Variants in WAC observed in about 807,000 individuals in gnomAD.
WAC encodes WW domain containing adaptor with coiled-coil.
Under a neutral mutation model 79.6 loss-of-function variants are expected in WAC, and 11 were observed. The observed-to-expected ratio is 0.14, with a 90% confidence interval of 0.09 to 0.23. The LOEUF (loss-of-function observed/expected upper bound fraction) is 0.23, where lower values mean the gene tolerates loss of function less well. WAC is among the 10% of genes least tolerant of loss of function. WAC has a pLI of 1.00. For synonymous variants in WAC, 304 were observed against 276.9 expected, an observed-to-expected ratio of 1.10 and a Z score of -0.97; for missense variants, 728 against 773.5, an observed-to-expected ratio of 0.94 and a Z score of 0.70.
chr10:28,533,547 C>A lies in WAC; in HGVS notation c.-33C>A, dbSNP rs749598715. ...CCCGCCTTTCGCGGCCGCTCTCCCCCCTCCCCGACACACACTCACAGGCCG... is the reference window on the plus strand; with the variant it reads ...CCCGCCTTTCGCGGCCGCTCTCCCCACTCCCCGACACACACTCACAGGCCG... On this transcript the variant is annotated 5_prime_UTR_variant, in exon 1 of 14. Coordinates refer to ENST00000354911, the MANE Select transcript of WAC (RefSeq NM_016628.5). 4.3e-6 allele frequency: 6 copies of A among 1,387,206 alleles called. No individual in the cohort carries two copies. In the African/African-American group the frequency reaches 4.5e-5, roughly 10 times the overall value. 85.9% of individuals were successfully genotyped at this position (1,387,206 alleles called of 1,614,324 possible). A position where few individuals can be genotyped will look rare whatever the true frequency, so the allele number is the denominator to read the frequency against.
chr10:28,563,891 G>T (rs1008945449), intron 3 of WAC, among the ~76,000 whole-genome samples: 5 of 151,558 alleles, frequency 3.3e-5, no homozygotes, highest in Non-Finnish European at 7.4e-5. Flanking sequence ...GAGCCACTGT[G>T]CCCAGCTTAG....
intron 7 of WAC, among the ~76,000 whole-genome samples, chr10:28,596,769 G>C (rs1337223697): frequency 6.6e-6 from 1 of 152,158 alleles, no homozygotes; most frequent in African/African-American, 2.4e-5. Flanking sequence ...GTCACAGGTA[G>C]ATCCATTAGC....
chr10:28,539,140 G>A (rs1050114933), intron 3 of WAC, among the ~76,000 whole-genome samples: 1 of 152,058 alleles, frequency 6.6e-6, no homozygotes, highest in Non-Finnish European at 1.5e-5. Context: ...TTGTGCGTTT[G>A]TTTACCTTAG....
Position 28,583,440 on chromosome 10 carries a change from G to A in WAC, c.316G>A (p.Ala106Thr). The change falls in exon 4 of 14, where the codon GCT becomes ACT. Residue 106 changes from alanine to threonine, a missense_variant. Around this residue, in one of 3 missense-constraint regions of WAC, gnomAD observed 648 missense variants for 661.5 expected, o/e 0.98. Transcript: ENST00000354911. The stretch of plus-strand genomic sequence containing the variant: ...ACAAGAAAATTCACACAACCACAGT[G>A]CTCTTCATAGTTCAAATTCACATTC... ...SPQENSHNHS[A>T]LHSSNSHSSN... 3 of 1,595,478 alleles carry A rather than the reference G, an allele frequency of 1.9e-6. No homozygotes were observed. The highest frequency in any genetic ancestry group is 2.6e-6 in the Non-Finnish European group (3 of 1,173,476).
At chr10:28,558,596 C>CACCT (rs998651523) in intron 3 of WAC, among the ~76,000 whole-genome samples, 1 of 152,014 alleles carries the variant, frequency 6.6e-6, no homozygotes, top group Non-Finnish European at 1.5e-5. Flanking sequence ...GTAAGTGAAC[C>CACCT]ACCTGTGTTA....
At chr10:28,617,323 C>T (rs1017997831) in intron 12 of WAC, among the ~76,000 whole-genome samples, 1 of 152,178 alleles carries the variant, frequency 6.6e-6, no homozygotes, top group Non-Finnish European at 1.5e-5. Flanking sequence ...TATCTAATAC[C>T]TGAACTTGCA....
rs1487139501 is a variant in WAC, at chr10:28,579,452, T to C, written c.275-3947T>C. On this transcript the variant is annotated intron_variant, in intron 3 of 13. Coordinates refer to ENST00000354911, the MANE Select transcript of WAC (RefSeq NM_016628.5). ...ATTGAAATTCTGAGTTCAAGTTTTA[T>C]GCGTGGATTCTGCTCTTACTGGATA... 1.6e-4 allele frequency among the ~76,000 whole-genome samples: 25 copies of C among 152,324 alleles called. No homozygotes were observed. The East Asian group carries it at 3.9e-3, about 23-fold the overall frequency.
rs755299027 is a variant in WAC at position 28,533,541 on chromosome 10, C to G, written c.-39C>G. 7.5e-7 allele frequency: 1 copy of G among 1,329,610 alleles called. No individual in the cohort carries two copies. The highest frequency in any genetic ancestry group is 9.8e-7 in the Non-Finnish European group (1 of 1,016,064). 82.4% of individuals were successfully genotyped at this position (1,329,610 alleles called of 1,614,324 possible). A position where few individuals can be genotyped will look rare whatever the true frequency, so the allele number is the denominator to read the frequency against. ...CGCCCGCCCGCCTTTCGCGGCCGCT[C>G]TCCCCCCTCCCCGACACACACTCAC... On this transcript the variant is annotated 5_prime_UTR_variant, in exon 1 of 14. Coordinates refer to ENST00000354911, the MANE Select transcript of WAC (RefSeq NM_016628.5).
At chr10:28,611,014 A>C in intron 9 of WAC, 193 bp downstream of exon 9, 1 of 639,402 alleles carries the variant, frequency 1.6e-6, no homozygotes, top group Non-Finnish European at 2.5e-6. Context: ...TTTTAGATGA[A>C]GCAAGCTTTG....
chr10:28,600,041 T>C (rs1459716713), intron 7 of WAC, among the ~76,000 whole-genome samples: 1 of 152,196 alleles, frequency 6.6e-6, no homozygotes, highest in Non-Finnish European at 1.5e-5. Context: ...TGGGTCCTTA[T>C]TGTTTGCTAT....
chr10:28,557,888 C>T (rs557019353), intron 3 of WAC, among the ~76,000 whole-genome samples: 9 of 151,950 alleles, frequency 5.9e-5, no homozygotes, highest in East Asian at 3.9e-4. Flanking sequence ...TCCTGGCTAA[C>T]ATTGTGAAAC....
intron 7 of WAC, among the ~76,000 whole-genome samples, chr10:28,601,472 A>T (rs371837458): frequency 2.6e-5 from 4 of 152,172 alleles, no homozygotes; most frequent in African/African-American, 9.6e-5. Flanking sequence ...GGAATGTAAA[A>T]TGATGCAGCT....
chr10:28,561,734 T>C (rs1318655898), intron 3 of WAC, among the ~76,000 whole-genome samples: 1 of 152,154 alleles, frequency 6.6e-6, no homozygotes, highest in Non-Finnish European at 1.5e-5. Flanking sequence ...GAGCGGCAGT[T>C]GAGCAAGCAT....
intron 8 of WAC, 31 bp downstream of exon 8, chr10:28,608,462 T>C: frequency 6.5e-7 from 1 of 1,540,522 alleles, no homozygotes; most frequent in East Asian, 2.4e-5. Context: ...TTTAAAAATT[T>C]ATTTGCATTG....
At chr10:28,603,291 C>G (rs977765226) in intron 7 of WAC, among the ~76,000 whole-genome samples, 10 of 152,190 alleles carry the variant, frequency 6.6e-5, no homozygotes, top group African/African-American at 1.9e-4. Context: ...GAGCCACATT[C>G]AAAGCTGTCC....
intron 3 of WAC, among the ~76,000 whole-genome samples, chr10:28,553,871 A>T (rs769760000): frequency 6.6e-6 from 1 of 151,716 alleles, no homozygotes; most frequent in African/African-American, 2.4e-5. Context: ...TAATCTAGAG[A>T]TTTTTTTTCT....
chr10:28,603,961 G>GTATGTATATA (rs1554789573), intron 7 of WAC, among the ~76,000 whole-genome samples: 3 of 20,902 alleles, frequency 1.4e-4, no homozygotes, highest in African/African-American at 4.2e-4. Context: ...ATGTATGTAT[G>GTATGTATATA]TATATATATA....
chr10:28,616,915 C>T (rs1034159318), intron 12 of WAC, among the ~76,000 whole-genome samples: 15 of 152,182 alleles, frequency 9.9e-5, no homozygotes, highest in African/African-American at 3.4e-4. Flanking sequence ...AACCCCATCT[C>T]TAACCACAAG....
intron 3 of WAC, among the ~76,000 whole-genome samples, chr10:28,557,280 A>G (rs898466136): frequency 6.6e-6 from 1 of 152,208 alleles, no homozygotes; most frequent in Non-Finnish European, 1.5e-5. Context: ...CAGTGCCAAT[A>G]AAAATCACCT....
Sources: gnomAD v4.1 joint callset for allele counts (sites outside exome capture counted in the v4.1 genomes callset) on GRCh38, gnomAD v4.1.1 for gene constraint, gnomAD v4.1.1 regional missense constraint, MANE v1.5 for transcripts, NCBI Gene and HGNC (gene_info 2026-07-23, HGNC 2026-07-21) for gene names.